The following CNTNAP2 variants were observed in gnomAD, a reference collection of about 807,000 sequenced individuals.
The protein encoded by CNTNAP2 is contactin associated protein 2, also known as contactin-associated protein-like 2.
CNTNAP2 carries 98 observed loss-of-function variants against 155.2 expected under a neutral mutation model. That is an observed-to-expected ratio of 0.63 (90% CI 0.54 to 0.75). The LOEUF is 0.75. Ranked by LOEUF, CNTNAP2 falls within the 30% of genes least tolerant of loss-of-function variation. CNTNAP2 has a pLI of 0.00. For synonymous variants in CNTNAP2, 651 were observed against 631.2 expected (o/e 1.03, Z -0.47); for missense variants, 1,727 against 1,688.1 (o/e 1.02, Z -0.40).
intron 11 of CNTNAP2, among the ~76,000 whole-genome samples, 189 bp from the exon 12 acceptor site, chr7:147,561,948 TG>T (rs960146755): frequency 5.3e-4 from 80 of 152,358 alleles, no homozygotes; most frequent in African/African-American, 1.5e-3. Context: ...TTGCTGTCTT[TG>T]GTAGGTCAGG....
intron 1 of CNTNAP2, among the ~76,000 whole-genome samples, chr7:146,465,301 A>G (rs1796701964): frequency 6.6e-6 from 1 of 152,156 alleles, no homozygotes; most frequent in Non-Finnish European, 1.5e-5. Flanking sequence ...AGGGATTAAA[A>G]TGTGGCAGGG....
At chr7:148,140,313 C>T (rs191776111) in intron 16 of CNTNAP2, among the ~76,000 whole-genome samples, 1 of 152,230 alleles carries the variant, frequency 6.6e-6, no homozygotes, top group African/African-American at 2.4e-5. Flanking sequence ...CATGGCTGAC[C>T]TCAGTTTCCA....
intron 1 of CNTNAP2, among the ~76,000 whole-genome samples, chr7:146,636,257 G>A (rs1223195649): frequency 6.6e-6 from 1 of 152,076 alleles, no homozygotes; most frequent in African/African-American, 2.4e-5. Flanking sequence ...CCAAACATAT[G>A]CATTTGTCAA....
At chr7:146,367,825 C>A (rs1026265491) in intron 1 of CNTNAP2, among the ~76,000 whole-genome samples, 2 of 151,950 alleles carry the variant, frequency 1.3e-5, no homozygotes, top group East Asian at 1.9e-4. Context: ...ATTTCAATAT[C>A]AATATATGAG....
chr7:147,853,644 A>T (rs1320465974), intron 13 of CNTNAP2, among the ~76,000 whole-genome samples: 1 of 152,214 alleles, frequency 6.6e-6, no homozygotes, highest in Non-Finnish European at 1.5e-5. Context: ...GTCATTTCAT[A>T]ATCTGAACTC....
intron 8 of CNTNAP2, among the ~76,000 whole-genome samples, chr7:147,181,648 T>C (rs1243137193): frequency 6.6e-6 from 1 of 152,238 alleles, no homozygotes; most frequent in Non-Finnish European, 1.5e-5. Context: ...GCCATTTTAC[T>C]TAATTAAAAA....
intron 3 of CNTNAP2, among the ~76,000 whole-genome samples, chr7:147,007,682 A>G (rs892593127): frequency 6.6e-6 from 1 of 151,926 alleles, no homozygotes; most frequent in Non-Finnish European, 1.5e-5. Context: ...TAAGGTATCT[A>G]TAATTAATGT....
intron 8 of CNTNAP2, among the ~76,000 whole-genome samples, chr7:147,135,847 C>T (rs936937382): frequency 6.7e-6 from 1 of 150,190 alleles, no homozygotes; most frequent in Non-Finnish European, 1.5e-5. Flanking sequence ...TGGAAAACAC[C>T]GACCTGACCT....
chr7:148,233,445 G>A (rs1017651707), intron 20 of CNTNAP2, among the ~76,000 whole-genome samples: 1 of 152,164 alleles, frequency 6.6e-6, no homozygotes, highest in African/African-American at 2.4e-5. Flanking sequence ...TTACCACTTG[G>A]ATAAATTTGA....
intron 15 of CNTNAP2, among the ~76,000 whole-genome samples, chr7:148,071,384 G>A (rs1803379076): frequency 6.6e-6 from 1 of 152,212 alleles, no homozygotes; most frequent in African/African-American, 2.4e-5. Flanking sequence ...GGAGGCTGAG[G>A]CAGGGGAATT....
rs556625262 is a variant in CNTNAP2, at chr7:147,315,559, G to A, written c.1498+15269G>A. 3.5e-5 allele frequency among the ~76,000 whole-genome samples: 5 copies of A among 144,750 alleles called. No homozygotes were observed. The South Asian group carries it at 8.9e-4, about 26-fold the overall frequency. 95.0% of individuals were successfully genotyped at this position (144,750 alleles called of 152,430 possible). A position where few individuals can be genotyped will look rare whatever the true frequency, so the allele number is the denominator to read the frequency against. On this transcript the variant is annotated intron_variant, in intron 9 of 23. Transcript: ENST00000361727. ...TGCAGTGGCATGATCTCGGCTCACT[G>A]CAAGCTCCGCCTCCCGGGTTCACGC...
intron 20 of CNTNAP2, among the ~76,000 whole-genome samples, chr7:148,231,896 G>A (rs573410140): frequency 9.1e-4 from 138 of 152,298 alleles, no homozygotes; most frequent in Non-Finnish European, 1.5e-3. Context: ...GAGATAGGAC[G>A]ACAGGAGTGA....
At chr7:147,900,929 A>G (rs2710114) in intron 13 of CNTNAP2, among the ~76,000 whole-genome samples, 100,607 of 152,058 alleles carry the variant, frequency 0.66, 33,560 homozygotes, top group Middle Eastern at 0.76. Flanking sequence ...GACTTCTACA[A>G]TCAATTTGTA....
At chr7:148,404,572 A>G (rs1039019880) in intron 22 of CNTNAP2, among the ~76,000 whole-genome samples, 1 of 152,154 alleles carries the variant, frequency 6.6e-6, no homozygotes, top group Non-Finnish European at 1.5e-5. Flanking sequence ...GCTGGGGTGA[A>G]CGCTTTTGGT....
chr7:147,041,265 A>C (rs1331974291), intron 3 of CNTNAP2, among the ~76,000 whole-genome samples: 1 of 152,092 alleles, frequency 6.6e-6, no homozygotes, highest in Non-Finnish European at 1.5e-5. Context: ...TGTATTCCTG[A>C]ACACCCTTGG....
intron 8 of CNTNAP2, among the ~76,000 whole-genome samples, chr7:147,156,092 T>A (rs1474829925): frequency 6.6e-6 from 1 of 152,130 alleles, no homozygotes; most frequent in African/African-American, 2.4e-5. Flanking sequence ...AGTACTTGTA[T>A]CATAGAGTGT....
chr7:147,132,996 A>G (rs914901320), intron 8 of CNTNAP2, among the ~76,000 whole-genome samples: 1 of 152,142 alleles, frequency 6.6e-6, no homozygotes, highest in Non-Finnish European at 1.5e-5. Context: ...ATGGTTGGAA[A>G]AGAAAACGAA....
At chr7:146,907,798 C>T (rs1438445634) in intron 3 of CNTNAP2, among the ~76,000 whole-genome samples, 12 of 151,286 alleles carry the variant, frequency 7.9e-5, no homozygotes, top group Non-Finnish European at 1.6e-4. Flanking sequence ...TCACACATAA[C>T]AATATTAACT....
intron 1 of CNTNAP2, among the ~76,000 whole-genome samples, chr7:146,133,857 A>G (rs1185416042): frequency 2.6e-5 from 4 of 152,186 alleles, no homozygotes; most frequent in Admixed American, 2.6e-4. Context: ...TGATGCCTCC[A>G]GCTTTGTTCT....
Sources: allele counts gnomAD v4.1 joint callset (sites outside exome capture counted in the v4.1 genomes callset), GRCh38; gene constraint gnomAD v4.1.1; transcripts MANE v1.5; gene names NCBI Gene and HGNC (gene_info 2026-07-23, HGNC 2026-07-21).